The following NSMCE2 variants were observed in gnomAD, a reference collection of about 807,000 sequenced individuals.
NSMCE2 encodes the protein NSE2 SUMO ligase component of SMC5/6 complex, also known as E3 SUMO-protein ligase NSE2.
In NSMCE2, 24 loss-of-function variants were observed where a neutral mutation model predicts 23.8. The observed-to-expected ratio is 1.01, with a 90% CI of 0.73 to 1.42. NSMCE2 has a LOEUF of 1.42. NSMCE2 is among the 40% of genes most tolerant of loss of function. The probability of loss-of-function intolerance (pLI) is 0.00; values close to 1 mark genes in which losing one functional copy is unlikely to be tolerated. For synonymous variants in NSMCE2, 92 were observed against 94.1 expected (o/e 0.98, Z 0.13); for missense variants, 284 against 296.5 (o/e 0.96, Z 0.31).
chr8:125,193,729 A>G (rs995082660), intron 5 of NSMCE2, among the ~76,000 whole-genome samples: 6 of 152,224 alleles, frequency 3.9e-5, no homozygotes, highest in Admixed American at 3.9e-4. Context: ...TTCTTCTTCT[A>G]AGATTTCAGA....
At chr8:125,177,965 A>G (rs575139493) in intron 4 of NSMCE2, among the ~76,000 whole-genome samples, 3 of 152,262 alleles carry the variant, frequency 2.0e-5, no homozygotes, top group Admixed American at 6.5e-5. Flanking sequence ...AGCTGTCCAC[A>G]TTAAATATCT....
At chr8:125,224,811 G>T (rs1024776126) in intron 5 of NSMCE2, among the ~76,000 whole-genome samples, 1 of 152,160 alleles carries the variant, frequency 6.6e-6, no homozygotes, top group African/African-American at 2.4e-5. Flanking sequence ...TGAGCAATTT[G>T]CCAAACTTTA....
intron 5 of NSMCE2, among the ~76,000 whole-genome samples, chr8:125,325,821 G>A (rs111835620): frequency 1.1e-3 from 164 of 152,170 alleles, no homozygotes; most frequent in African/African-American, 3.4e-3. Context: ...GCATGGTGGC[G>A]GGCACCTGTC....
Position 125,232,552 on chromosome 8 carries a change from G to A in NSMCE2, c.418+50296G>A, listed in dbSNP as rs908386931. Among the ~76,000 whole-genome samples the A allele has an allele frequency of 1.7e-4, 26 of 152,136 alleles. No individual in the cohort carries two copies. In the East Asian group the frequency reaches 4.0e-3, roughly 24 times the overall value. ...ATAGTACTGTAATGTTTCTTTTTAG[G>A]TGTAGAGTTAGGAGACAATCTTGAA... On this transcript the variant is annotated intron_variant, in intron 5 of 7. Coordinates refer to ENST00000287437, the MANE Select transcript of NSMCE2 (RefSeq NM_173685.4).
chr8:125,247,056 G>T (rs1826008606), intron 5 of NSMCE2, among the ~76,000 whole-genome samples: 2 of 151,216 alleles, frequency 1.3e-5, no homozygotes, highest in Admixed American at 6.6e-5. Context: ...GGCCTGGCAT[G>T]GTGACTCACA....
chr8:125,267,856 C>A (rs1208410620), intron 5 of NSMCE2, among the ~76,000 whole-genome samples: 1 of 152,066 alleles, frequency 6.6e-6, no homozygotes, highest in Non-Finnish European at 1.5e-5. Context: ...CCTCATCAAA[C>A]TCATTTTTCA....
intron 5 of NSMCE2, among the ~76,000 whole-genome samples, chr8:125,287,627 A>G (rs986709965): frequency 2.6e-5 from 4 of 152,174 alleles, no homozygotes; most frequent in Non-Finnish European, 5.9e-5. Context: ...CTCAGGCTAC[A>G]AACCCACTCA....
At chr8:125,229,903 G>A (rs921985257) in intron 5 of NSMCE2, among the ~76,000 whole-genome samples, 1 of 151,998 alleles carries the variant, frequency 6.6e-6, no homozygotes, top group Non-Finnish European at 1.5e-5. Flanking sequence ...ATTGTTAACT[G>A]TAGAATAAAC....
At chr8:125,111,693 G>A (rs1818757889) in intron 3 of NSMCE2, among the ~76,000 whole-genome samples, 1 of 152,132 alleles carries the variant, frequency 6.6e-6, no homozygotes. Context: ...CCAGCTACTT[G>A]GGAGGCTAAG....
chr8:125,274,929 CAA>C (rs36192929), intron 5 of NSMCE2, among the ~76,000 whole-genome samples: 4 of 59,838 alleles, frequency 6.7e-5, no homozygotes, highest in Admixed American at 2.1e-4. Context: ...GACTCAGTCT[CAA>C]AAAAAAAAAA....
intron 4 of NSMCE2, among the ~76,000 whole-genome samples, chr8:125,161,322 A>G (rs1016717623): frequency 6.6e-6 from 1 of 152,158 alleles, no homozygotes; most frequent in Non-Finnish European, 1.5e-5. Context: ...GTCTAATAAT[A>G]CAGCACTCTT....
intron 4 of NSMCE2, among the ~76,000 whole-genome samples, chr8:125,176,256 G>A (rs1303500674): frequency 2.0e-5 from 3 of 152,142 alleles, no homozygotes; most frequent in Non-Finnish European, 4.4e-5. Context: ...TCTTGCTAGA[G>A]TCTCTAGTGA....
intron 5 of NSMCE2, among the ~76,000 whole-genome samples, chr8:125,185,498 G>A (rs1393527265): frequency 2.6e-5 from 4 of 152,036 alleles, no homozygotes; most frequent in African/African-American, 4.8e-5. Context: ...TAGAGACGAG[G>A]TTTTGCCATG....
chr8:125,295,008 T>C (rs1325359207), intron 5 of NSMCE2, among the ~76,000 whole-genome samples: 1 of 152,202 alleles, frequency 6.6e-6, no homozygotes. Flanking sequence ...CTGTGTCTCA[T>C]TGTGGGCCAA....
At position 125,223,423 on chromosome 8, in the gene NSMCE2, C is replaced by T. The variant is rs112193529; in HGVS notation, c.418+41167C>T. 1.4e-3 allele frequency among the ~76,000 whole-genome samples: 211 copies of T among 152,190 alleles called. 1 individual carries two copies. Among genetic ancestry groups the T allele is most frequent in the African/African-American group, 4.6e-3 (192 of 41,528 alleles). ...GGTTGCTTCCATATCTTGACTATTG[C>T]GAATAATGCTGCAGTGAACGTGGGA... On this transcript the variant is annotated intron_variant, in intron 5 of 7. Coordinates refer to ENST00000287437, the MANE Select transcript of NSMCE2 (RefSeq NM_173685.4).
chr8:125,208,109 T>C (rs1203931908), intron 5 of NSMCE2, among the ~76,000 whole-genome samples: 1 of 152,224 alleles, frequency 6.6e-6, no homozygotes, highest in African/African-American at 2.4e-5. Context: ...AGTTTTTAAC[T>C]GCTGAAACAT....
chr8:125,166,271 T>C (rs1049689529), intron 4 of NSMCE2, among the ~76,000 whole-genome samples: 24 of 152,182 alleles, frequency 1.6e-4, no homozygotes, highest in Non-Finnish European at 3.1e-4. Flanking sequence ...TTTGTTGTTG[T>C]TGTTGTTTTA....
chr8:125,289,369 T>C (rs572475594), intron 5 of NSMCE2, among the ~76,000 whole-genome samples: 1 of 152,184 alleles, frequency 6.6e-6, no homozygotes, highest in African/African-American at 2.4e-5. Flanking sequence ...TAAGTGCCCC[T>C]CTCTCAGCCA....
intron 5 of NSMCE2, among the ~76,000 whole-genome samples, chr8:125,248,675 T>A (rs1042771454): frequency 2.0e-5 from 3 of 151,974 alleles, no homozygotes; most frequent in African/African-American, 7.2e-5. Flanking sequence ...TCAACATCAT[T>A]CCTTGATACA....
Sources: allele counts gnomAD v4.1 joint callset (sites outside exome capture counted in the v4.1 genomes callset), GRCh38; gene constraint gnomAD v4.1.1; transcripts MANE v1.5; gene names NCBI Gene and HGNC (gene_info 2026-07-23, HGNC 2026-07-21).